MBOAT1: variants seen among roughly 807,000 people sequenced by gnomAD.
The protein encoded by MBOAT1 is membrane-bound glycerophospholipid O-acyltransferase 1.
MBOAT1 carries 67 observed loss-of-function variants against 64.4 expected under a neutral mutation model. The ratio of observed to expected loss-of-function variants is 1.04; its 90% confidence interval spans 0.85 to 1.27. MBOAT1 has a LOEUF of 1.27. MBOAT1 is among the 50% of genes most tolerant of loss of function. The pLI is 0.00. For missense variants in MBOAT1, 563 were observed against 604.6 expected (o/e 0.93, Z 0.72); for synonymous variants, 229 against 218.9 (o/e 1.05, Z -0.41).
chr6:20,158,167 G>A (rs200145373), intron 1 of MBOAT1, among the ~76,000 whole-genome samples: 2,141 of 134,232 alleles, frequency 0.016, 39 homozygotes, highest in African/African-American at 0.037. Flanking sequence ...AAAAAAAAAA[G>A]AAAAAAAAAA....
chr6:20,165,915 A>G (rs544140253), intron 1 of MBOAT1, among the ~76,000 whole-genome samples: 90 of 152,278 alleles, frequency 5.9e-4, no homozygotes, highest in African/African-American at 2.1e-3. Context: ...AAAAGAAGCC[A>G]TAGAGTTCAT....
intron 10 of MBOAT1, among the ~76,000 whole-genome samples, chr6:20,115,020 C>T (rs9350212): frequency 0.41 from 62,019 of 151,948 alleles, 13,132 homozygotes; most frequent in East Asian, 0.55. Flanking sequence ...GGGGTAATAC[C>T]CCCAACATAT....
chr6:20,190,935 T>C (rs1354550788), intron 1 of MBOAT1, among the ~76,000 whole-genome samples: 1 of 152,222 alleles, frequency 6.6e-6, no homozygotes, highest in East Asian at 1.9e-4. Context: ...TAAGGAACTC[T>C]ACTTTATGAT....
chr6:20,135,860 C>T (rs557977786), intron 4 of MBOAT1, among the ~76,000 whole-genome samples: 1 of 152,314 alleles, frequency 6.6e-6, no homozygotes, highest in South Asian at 2.1e-4. Flanking sequence ...ACAGATTCAA[C>T]AAACTTCCAC....
At chr6:20,202,239 A>C (rs1464049953) in intron 1 of MBOAT1, among the ~76,000 whole-genome samples, 2 of 152,256 alleles carry the variant, frequency 1.3e-5, no homozygotes, top group Non-Finnish European at 2.9e-5. Flanking sequence ...AGAATATTTT[A>C]AATTTTTAAT....
intron 1 of MBOAT1, among the ~76,000 whole-genome samples, chr6:20,184,083 G>C (rs1168579261): frequency 2.6e-5 from 4 of 152,198 alleles, no homozygotes; most frequent in African/African-American, 4.8e-5. Flanking sequence ...TTCAAGTTGA[G>C]ATTTGGTGGG....
chr6:20,185,350 G>C (rs1000710341), intron 1 of MBOAT1, among the ~76,000 whole-genome samples: 1 of 152,160 alleles, frequency 6.6e-6, no homozygotes, highest in African/African-American at 2.4e-5. Context: ...CATTATTCTA[G>C]ATGTTTCTGT....
intron 7 of MBOAT1, chr6:20,126,035 CT>C (rs1415589641): frequency 3.5e-6 from 1 of 281,968 alleles, no homozygotes; most frequent in Non-Finnish European, 6.9e-6. Flanking sequence ...AAAAAGTCAT[CT>C]TAAATTCTCT....
chr6:20,156,584 A>G lies in MBOAT1; in HGVS notation c.100-3815T>C, dbSNP rs966635119. 3.3e-5 allele frequency among the ~76,000 whole-genome samples: 5 copies of G among 152,378 alleles called. No homozygotes were observed. In the East Asian group the frequency reaches 9.6e-4, roughly 29 times the overall value. ...CACACGTGTACATCTTATAAGGTAC[A>G]GGCTGAACCAGACTGAGATACCACT... is the stretch of plus-strand genomic sequence containing the variant. On this transcript the variant is annotated intron_variant, in intron 1 of 12. Transcript: ENST00000324607.
intron 3 of MBOAT1, 24 bp downstream of exon 3, chr6:20,151,161 C>T: frequency 2.6e-6 from 4 of 1,539,652 alleles, no homozygotes; most frequent in Non-Finnish European, 3.6e-6. Flanking sequence ...TCTCACCTTG[C>T]ATTGTTCATT....
In MBOAT1 at chr6:20,212,379, T is replaced by G; in HGVS notation, c.-145A>C. 1.4e-6 allele frequency: 1 copy of G among 697,216 alleles called. No homozygotes were observed. The allele number at this position is 697,216 out of a possible 1,614,324, so 43.2% of individuals were successfully genotyped here. ...GGGGAGCGAACGGGAGGCCGGGGAA[T>G]GCGAACCGGCGCAAACTCTCGAGGC... On this transcript the variant is annotated 5_prime_UTR_variant, in exon 1 of 13. Transcript: ENST00000324607.
intron 1 of MBOAT1, among the ~76,000 whole-genome samples, chr6:20,193,897 G>A (rs770624658): frequency 1.6e-4 from 25 of 152,212 alleles, no homozygotes; most frequent in South Asian, 4.1e-4. Context: ...GAGCCACTGC[G>A]CCCAGCCAAT....
At chr6:20,172,653 A>T (rs535648442) in intron 1 of MBOAT1, among the ~76,000 whole-genome samples, 2 of 152,296 alleles carry the variant, frequency 1.3e-5, no homozygotes, top group East Asian at 3.8e-4. Flanking sequence ...TCCAAAAAAG[A>T]CAATTCCAAA....
rs1759755009 is a variant in MBOAT1 at position 20,100,398 on chromosome 6, C to T, written c.*1888G>A. The stretch of plus-strand genomic sequence containing the variant: ...GATTTTAGATACCTACAACCCCCTT[C>T]CCCTACCCACTATCTAAGATTCTTC... On this transcript the variant is annotated 3_prime_UTR_variant, in exon 13 of 13. Coordinates refer to ENST00000324607, the MANE Select transcript of MBOAT1 (RefSeq NM_001080480.3). Among the ~76,000 whole-genome samples, 1 of 152,190 alleles carries T rather than the reference C, an allele frequency of 6.6e-6. No homozygotes were observed. Among genetic ancestry groups the T allele is most frequent in the Admixed American group, 6.5e-5 (1 of 15,284 alleles).
intron 8 of MBOAT1, among the ~76,000 whole-genome samples, chr6:20,118,823 T>A (rs925374044): frequency 1.3e-5 from 2 of 151,960 alleles, no homozygotes; most frequent in Non-Finnish European, 2.9e-5. Context: ...GAAATGAGAA[T>A]AAACAAGAAA....
chr6:20,184,448 G>A (rs1007869535), intron 1 of MBOAT1, among the ~76,000 whole-genome samples: 2 of 152,112 alleles, frequency 1.3e-5, no homozygotes, highest in African/African-American at 4.8e-5. Context: ...CAGACAGGTG[G>A]GCAAGGGACG....
chr6:20,105,465 C>T (rs1262420328), intron 12 of MBOAT1, among the ~76,000 whole-genome samples: 2 of 152,146 alleles, frequency 1.3e-5, no homozygotes, highest in African/African-American at 2.4e-5. Flanking sequence ...AAAGTTTCTA[C>T]GCAAATTCTA....
At chr6:20,131,279 T>C in intron 4 of MBOAT1, 80 bp from the exon 5 acceptor site, 4 of 1,246,744 alleles carry the variant, frequency 3.2e-6, no homozygotes, top group Middle Eastern at 4.2e-4. Context: ...CCAAATCTCA[T>C]CTTGAATTGT....
intron 4 of MBOAT1, among the ~76,000 whole-genome samples, chr6:20,140,624 C>T (rs1400293618): frequency 1.3e-5 from 2 of 152,166 alleles, no homozygotes; most frequent in African/African-American, 4.8e-5. Flanking sequence ...GTTCTCAGGC[C>T]TTTGGACTCT....
Sources: allele counts gnomAD v4.1 joint callset (sites outside exome capture counted in the v4.1 genomes callset), GRCh38; gene constraint gnomAD v4.1.1; transcripts MANE v1.5; gene names NCBI Gene and HGNC (gene_info 2026-07-23, HGNC 2026-07-21).